ZNF710: variants seen among roughly 807,000 people sequenced by gnomAD.
ZNF710 encodes zinc finger protein 710.
A neutral mutation model predicts 50.6 loss-of-function variants in ZNF710; 13 were observed. The observed-to-expected ratio is 0.26, with a 90% CI of 0.17 to 0.41. The LOEUF is 0.41. Ranked by LOEUF, ZNF710 falls within the 10% of genes least tolerant of loss-of-function variation. The pLI, the probability that ZNF710 is intolerant of heterozygous loss-of-function variation, is 1.00. For missense variants in ZNF710, 721 were observed against 936.6 expected (o/e 0.77, Z 3.01); for synonymous variants, 383 against 397.0 (o/e 0.96, Z 0.42).
At chr15:90,079,075 G>A in intron 4 of ZNF710, among the ~76,000 whole-genome samples, 1 of 152,216 alleles carries the variant, frequency 6.6e-6, no homozygotes, top group East Asian at 1.9e-4. Context: ...ACAGCTGCCG[G>A]CAGGAGGCCT....
chr15:90,070,805 C>T (rs1292922716), intron 2 of ZNF710, among the ~76,000 whole-genome samples: 2 of 152,174 alleles, frequency 1.3e-5, no homozygotes, highest in African/African-American at 4.8e-5. Context: ...GGCAACAGAG[C>T]AAGACTCTGT....
At chr15:90,028,631 C>G (rs1361910264) in intron 1 of ZNF710, among the ~76,000 whole-genome samples, 1 of 152,138 alleles carries the variant, frequency 6.6e-6, no homozygotes, top group African/African-American at 2.4e-5. Flanking sequence ...CTTCTGACAC[C>G]ATCAAATTAC....
At chr15:90,055,433 G>A (rs577818074) in intron 1 of ZNF710, among the ~76,000 whole-genome samples, 15 of 152,200 alleles carry the variant, frequency 9.9e-5, no homozygotes, top group Non-Finnish European at 2.1e-4. Flanking sequence ...AGCACGTTGT[G>A]GACTTGTCAT....
At chr15:90,000,031 G>A (rs1897976818), upstream of ZNF710, among the ~76,000 whole-genome samples, 1 of 148,650 alleles carries the variant, frequency 6.7e-6, no homozygotes, top group South Asian at 2.2e-4. Flanking sequence ...TTGCTCTCGG[G>A]GCCCACCGAG....
chr15:90,062,302 C>T lies in ZNF710; in HGVS notation c.-28-4808C>T, dbSNP rs1290709112. Reference sequence around the variant, plus strand: ...TCAGGCAGCTCATCTGTGTCTATTTCCCCGCCTTTCACATTGACTTTCTCC... The same window carrying T: ...TCAGGCAGCTCATCTGTGTCTATTTTCCCGCCTTTCACATTGACTTTCTCC... On this transcript the variant is annotated intron_variant, in intron 1 of 4. Coordinates refer to ENST00000268154, the MANE Select transcript of ZNF710 (RefSeq NM_198526.4). The surrounding 1 kb of genome is among the most constrained non-coding windows in gnomAD (Gnocchi z 5.6). Among the ~76,000 whole-genome samples the T allele has an allele frequency of 6.6e-6, 1 of 152,116 alleles. No homozygotes were observed. The highest frequency in any genetic ancestry group is 6.5e-5 in the Admixed American group (1 of 15,280).
chr15:90,066,838 A>G (rs1340205526), intron 1 of ZNF710, among the ~76,000 whole-genome samples: 1 of 151,962 alleles, frequency 6.6e-6, no homozygotes, highest in African/African-American at 2.4e-5. Context: ...AGGAAATCCC[A>G]CCTCCCTGTT....
chr15:90,078,914 G>T (rs1480222221), intron 4 of ZNF710, among the ~76,000 whole-genome samples: 4 of 152,196 alleles, frequency 2.6e-5, no homozygotes, highest in Non-Finnish European at 1.5e-5. Context: ...GGCTTCCCCT[G>T]TAAGAGCTTT....
upstream of ZNF710, among the ~76,000 whole-genome samples, chr15:90,000,716 C>T (rs1235271268): frequency 6.6e-6 from 1 of 152,230 alleles, no homozygotes; most frequent in Admixed American, 6.5e-5. Context: ...AGCACACACA[C>T]CCAGCTTGCC....
At position 90,059,271 on chromosome 15, in the gene ZNF710, C is replaced by T. The variant is rs913653640; in HGVS notation, c.-28-7839C>T. ...CATCGGTGAGTTGGGGGCAGAGGGG[C>T]AGTGGAGCCTGCCTGGGAGCCATCT... On this transcript the variant is annotated intron_variant, in intron 1 of 4. Transcript: ENST00000268154. This position sits in a 1 kb window ranked among gnomAD's most constrained non-coding sequence, Gnocchi z 4.1. Among the ~76,000 whole-genome samples, 1 of 152,302 alleles carries T rather than the reference C, an allele frequency of 6.6e-6. No individual in the cohort carries two copies. The highest frequency in any genetic ancestry group is 6.5e-5 in the Admixed American group (1 of 15,298).
intron 1 of ZNF710, among the ~76,000 whole-genome samples, chr15:90,001,992 A>G (rs1898024890): frequency 6.8e-6 from 1 of 147,066 alleles, no homozygotes; most frequent in Non-Finnish European, 1.5e-5. Context: ...AGAGAGAGAG[A>G]GAGAGGCAAA....
intron 1 of ZNF710, among the ~76,000 whole-genome samples, chr15:90,010,003 G>A (rs1382401796): frequency 1.3e-5 from 2 of 152,002 alleles, no homozygotes; most frequent in African/African-American, 4.8e-5. Flanking sequence ...TCCACCTTGG[G>A]TCTGGCTCAT....
At position 90,082,068 on chromosome 15, in the gene ZNF710, T is replaced by A. The variant is rs1308932550; in HGVS notation, c.*2239T>A. ...CTGGACAAATTCCATTCTAACTTAT[T>A]TTGACATGTATACAAACCAACTGTT... On this transcript the variant is annotated 3_prime_UTR_variant, in exon 5 of 5. Coordinates refer to ENST00000268154, the MANE Select transcript of ZNF710 (RefSeq NM_198526.4). 6.6e-6 allele frequency: 1 copy of A among 152,226 alleles called. No homozygotes were observed. Among genetic ancestry groups the A allele is most frequent in the Non-Finnish European group, 1.5e-5 (1 of 68,048 alleles). 9.4% of individuals were successfully genotyped at this position (152,226 alleles called of 1,614,324 possible). A position where few individuals can be genotyped will look rare whatever the true frequency, so the allele number is the denominator to read the frequency against.
intron 1 of ZNF710, among the ~76,000 whole-genome samples, chr15:90,061,036 G>C (rs1335825986): frequency 1.3e-5 from 2 of 152,204 alleles, no homozygotes; most frequent in Non-Finnish European, 2.9e-5. Context: ...GGACCTTCAG[G>C]AAATAGTCAT....
intron 1 of ZNF710, among the ~76,000 whole-genome samples, chr15:90,009,914 AC>A (rs1486197612): frequency 6.6e-6 from 1 of 151,826 alleles, no homozygotes; most frequent in Non-Finnish European, 1.5e-5. Context: ...ACTTCCTCTT[AC>A]CTGACTGCCC....
chr15:90,022,162 G>A (rs1596270865), intron 1 of ZNF710, among the ~76,000 whole-genome samples: 2 of 151,964 alleles, frequency 1.3e-5, no homozygotes, highest in Admixed American at 6.6e-5. Flanking sequence ...CGAATCACGA[G>A]GTCAGGAGTT....
At chr15:90,015,803 G>T (rs572955931) in intron 1 of ZNF710, among the ~76,000 whole-genome samples, 3 of 152,054 alleles carry the variant, frequency 2.0e-5, no homozygotes, top group African/African-American at 7.2e-5. Context: ...TAGAGACAAG[G>T]TCTCACTATA....
At position 90,058,721 on chromosome 15, in the gene ZNF710, A is replaced by ATATATATATATGTATG. The variant is rs1567236953; in HGVS notation, c.-28-8389_-28-8388insTATATATATATGTATG. Among the ~76,000 whole-genome samples, 212 of 144,588 alleles carry ATATATATATATGTATG rather than the reference A, an allele frequency of 1.5e-3. 2 individuals carry two copies. The highest frequency in any genetic ancestry group is 5.9e-3 in the African/African-American group (203 of 34,572). 94.9% of individuals were successfully genotyped at this position (144,588 alleles called of 152,430 possible). A position where few individuals can be genotyped will look rare whatever the true frequency, so the allele number is the denominator to read the frequency against. On this transcript the variant is annotated intron_variant, in intron 1 of 4. Transcript: ENST00000268154. ...TATATTTATATATATATATATATAC[A>ATATATATATATGTATG]CACATATACACACACACGTACACAG...
At chr15:90,033,122 A>G (rs929991529) in intron 1 of ZNF710, among the ~76,000 whole-genome samples, 7 of 152,096 alleles carry the variant, frequency 4.6e-5, no homozygotes, top group Middle Eastern at 3.2e-3. Context: ...AGAAAATGGG[A>G]TTGGTGTTTA....
chr15:89,999,499 C>G (rs1359831629), upstream of ZNF710, among the ~76,000 whole-genome samples: 1 of 152,140 alleles, frequency 6.6e-6, no homozygotes, highest in African/African-American at 2.4e-5. Context: ...CAGACCTGGG[C>G]AAAGGCCCTG....
Sources: gnomAD v4.1 joint callset for allele counts (sites outside exome capture counted in the v4.1 genomes callset) on GRCh38, gnomAD v4.1.1 for gene constraint, Gnocchi (gnomAD v3.1) non-coding constraint, MANE v1.5 for transcripts, NCBI Gene and HGNC (gene_info 2026-07-23, HGNC 2026-07-21) for gene names.